ACTR2: variants seen among roughly 807,000 people sequenced by gnomAD.
ACTR2 encodes the protein actin-related protein 2.
A neutral mutation model predicts 50.2 loss-of-function variants in ACTR2; 5 were observed. That is an observed-to-expected ratio of 0.10 (90% CI 0.05 to 0.21). ACTR2 has a LOEUF of 0.21. Among genes scored for constraint, ACTR2 ranks in the 10% least tolerant of loss-of-function variants. The probability of loss-of-function intolerance (pLI) is 1.00; values close to 1 mark genes in which losing one functional copy is unlikely to be tolerated. For missense variants in ACTR2, 180 were observed against 480.6 expected (o/e 0.37, Z 5.85); for synonymous variants, 140 against 162.9 (o/e 0.86, Z 1.07).
chr2:65,258,123 T>G (rs1334737621), intron 6 of ACTR2, among the ~76,000 whole-genome samples: 1 of 152,202 alleles, frequency 6.6e-6, no homozygotes, highest in Admixed American at 6.5e-5. Context: ...TCCTGAAGTC[T>G]TCTTGACAGT....
chr2:65,251,304 TA>T (rs34710706), intron 4 of ACTR2, among the ~76,000 whole-genome samples: 102,225 of 151,078 alleles, frequency 0.68, 34,567 homozygotes, highest in Middle Eastern at 0.81. Context: ...GTATTTAAGG[TA>T]AAAAAAAAAG....
At chr2:65,257,106 C>T (rs901110810) in intron 6 of ACTR2, among the ~76,000 whole-genome samples, 1 of 152,104 alleles carries the variant, frequency 6.6e-6, no homozygotes, top group African/African-American at 2.4e-5. Context: ...CCTTGCCGCC[C>T]CCCACCCAAC....
Position 65,269,793 on chromosome 2 carries a change from A to T in ACTR2, c.*1059A>T, listed in dbSNP as rs971478838. On this transcript the variant is annotated 3_prime_UTR_variant, in exon 9 of 9. Transcript: ENST00000260641. ...TTATAATTGGTGGTTTAAAAATAAC[A>T]TTGGAATACAGGACTTGTTGCCAAT... is the stretch of plus-strand genomic sequence containing the variant. The T allele has an allele frequency of 6.6e-6, 1 of 152,226 alleles. No homozygotes were observed. The highest frequency in any genetic ancestry group is 2.4e-5 in the African/African-American group (1 of 41,454). 9.4% of individuals were successfully genotyped at this position (152,226 alleles called of 1,614,324 possible). A position where few individuals can be genotyped will look rare whatever the true frequency, so the allele number is the denominator to read the frequency against.
At chr2:65,265,198 T>C in intron 8 of ACTR2, 23 bp downstream of exon 8, 1 of 1,612,574 alleles carries the variant, frequency 6.2e-7, no homozygotes. Context: ...AAATCAACTA[T>C]TACTAACATT....
chr2:65,246,434 C>A, intron 2 of ACTR2, 90 bp from the exon 3 acceptor site: 1 of 865,688 alleles, frequency 1.2e-6, no homozygotes, highest in Non-Finnish European at 1.7e-6. Flanking sequence ...ATTTATTTTG[C>A]AAGTGTCAGA....
intron 2 of ACTR2, among the ~76,000 whole-genome samples, chr2:65,243,367 T>C (rs1210776809): frequency 1.3e-5 from 2 of 152,162 alleles, no homozygotes; most frequent in Non-Finnish European, 2.9e-5. Flanking sequence ...AGGTGTTTCA[T>C]GCCTATAATT....
intron 6 of ACTR2, among the ~76,000 whole-genome samples, chr2:65,258,734 A>G (rs912637802): frequency 5.9e-5 from 9 of 152,174 alleles, no homozygotes; most frequent in African/African-American, 1.9e-4. Flanking sequence ...GTGCAAAGAA[A>G]TGGGATGCCT....
At position 65,270,515 on chromosome 2, in the gene ACTR2, C is replaced by T. The variant is rs963729110; in HGVS notation, c.*1781C>T. ...TAAGTTCTTATATAAATACCCCCAG[C>T]CTTTTGAGAACGGGGCTTGTTAAAG... On this transcript the variant is annotated 3_prime_UTR_variant, in exon 9 of 9. Transcript: ENST00000260641. 4 of 152,664 alleles carry T rather than the reference C, an allele frequency of 2.6e-5. No homozygotes were observed. The highest frequency in any genetic ancestry group is 9.6e-5 in the African/African-American group (4 of 41,534). 9.5% of individuals were successfully genotyped at this position (152,664 alleles called of 1,614,324 possible).
intron 1 of ACTR2, among the ~76,000 whole-genome samples, chr2:65,235,253 T>A (rs988197628): frequency 6.6e-6 from 1 of 152,130 alleles, no homozygotes; most frequent in African/African-American, 2.4e-5. Context: ...GTTATTCTTT[T>A]CCTCTGAGGT....
At chr2:65,266,661 G>A (rs551100924) in intron 8 of ACTR2, among the ~76,000 whole-genome samples, 1 of 152,236 alleles carries the variant, frequency 6.6e-6, no homozygotes, top group African/African-American at 2.4e-5. Flanking sequence ...GGGAACAAAG[G>A]TGGGCATAGA....
At chr2:65,231,059 A>T (rs1671628825) in intron 1 of ACTR2, among the ~76,000 whole-genome samples, 1 of 152,122 alleles carries the variant, frequency 6.6e-6, no homozygotes, top group Non-Finnish European at 1.5e-5. Context: ...CACAAAAAAA[A>T]AAAAAAGCTG....
chr2:65,240,024 T>A, intron 2 of ACTR2, 62 bp downstream of exon 2: 1 of 1,148,650 alleles, frequency 8.7e-7, no homozygotes, highest in Non-Finnish European at 1.3e-6. Context: ...ATAAAAGTAG[T>A]TTAACAGTTC....
At chr2:65,263,117 T>C (rs1424384580) in intron 7 of ACTR2, among the ~76,000 whole-genome samples, 2 of 151,612 alleles carry the variant, frequency 1.3e-5, no homozygotes, top group Non-Finnish European at 2.9e-5. Context: ...CTCGGCTCAC[T>C]GCAACCTGGG....
intron 1 of ACTR2, among the ~76,000 whole-genome samples, chr2:65,234,067 C>A (rs760167130): frequency 1.3e-5 from 2 of 152,020 alleles, no homozygotes; most frequent in Non-Finnish European, 2.9e-5. Context: ...TGTGTCACCA[C>A]GCCTGGCTAA....
rs560594828 is a variant in ACTR2 at position 65,254,095 on chromosome 2, A to G, written c.585+231A>G. Among the ~76,000 whole-genome samples the G allele has an allele frequency of 2.4e-4, 36 of 152,338 alleles. 2 individuals carry two copies. The South Asian group carries it at 6.8e-3, about 29-fold the overall frequency. On this transcript the variant is annotated intron_variant, in intron 5 of 8. Transcript: ENST00000260641. The stretch of plus-strand genomic sequence containing the variant: ...GTACACACATGATCTCTGTATACTA[A>G]TGAGAGTACATTATATCATTACATA...
rs70943640 is a variant in ACTR2 at position 65,267,862 on chromosome 2, CTTTTTTTTTTTTTTT to C, written c.1015-688_1015-674del. ...ACCTTGAAGAAGTCATGCAAGTCCT[CTTTTTTTTTTTTTTT>C]TTTTTTTTTTTTTGAGATTGAGTCT... On this transcript the variant is annotated intron_variant, in intron 8 of 8. Coordinates refer to ENST00000260641, the MANE Select transcript of ACTR2 (RefSeq NM_005722.4). Among the ~76,000 whole-genome samples, 10 of 47,414 alleles carry C rather than the reference CTTTTTTTTTTTTTTT, an allele frequency of 2.1e-4. 1 individual carries two copies. In the South Asian group the frequency reaches 4.7e-3, roughly 22 times the overall value. 31.1% of individuals were successfully genotyped at this position (47,414 alleles called of 152,430 possible).
intron 1 of ACTR2, among the ~76,000 whole-genome samples, chr2:65,232,418 T>G (rs1344887507): frequency 6.6e-6 from 1 of 152,252 alleles, no homozygotes; most frequent in Non-Finnish European, 1.5e-5. Flanking sequence ...ATCGGGCTTA[T>G]GCTACTTTAT....
At chr2:65,264,231 T>A (rs1006492249) in intron 7 of ACTR2, among the ~76,000 whole-genome samples, 1 of 152,214 alleles carries the variant, frequency 6.6e-6, no homozygotes, top group African/African-American at 2.4e-5. Context: ...TTGTGAGTAC[T>A]TATCACATGA....
intron 8 of ACTR2, 97 bp from the exon 9 acceptor site, chr2:65,268,467 C>T: frequency 9.2e-7 from 1 of 1,084,042 alleles, no homozygotes; most frequent in Non-Finnish European, 1.3e-6. Context: ...AGGACTGTTG[C>T]AAGTTTGAGG....
Sources: allele counts gnomAD v4.1 joint callset (sites outside exome capture counted in the v4.1 genomes callset), GRCh38; gene constraint gnomAD v4.1.1; transcripts MANE v1.5; gene names NCBI Gene and HGNC (gene_info 2026-07-23, HGNC 2026-07-21).